Variants in SPATA7 observed in about 807,000 individuals in gnomAD.
The protein encoded by SPATA7 is spermatogenesis-associated protein 7.
A neutral mutation model predicts 51.8 loss-of-function variants in SPATA7; 43 were observed. The ratio of observed to expected loss-of-function variants is 0.83; its 90% confidence interval spans 0.65 to 1.07. The LOEUF is 1.07. Ranked by LOEUF, SPATA7 falls within the 50% of genes least tolerant of loss-of-function variation. The pLI, the probability that SPATA7 is intolerant of heterozygous loss-of-function variation, is 0.00. For synonymous variants in SPATA7, 230 were observed against 252.8 expected (o/e 0.91, Z 0.86); for missense variants, 683 against 701.3 (o/e 0.97, Z 0.30).
At chr14:88,410,572 G>C (rs140623008) in intron 4 of SPATA7, 1 of 152,072 alleles carries the variant, frequency 6.6e-6, no homozygotes, top group African/African-American at 2.4e-5. Context: ...CTTTGGATGG[G>C]GTCTCTGTGT....
intron 5 of SPATA7, among the ~76,000 whole-genome samples, chr14:88,418,789 GA>G (rs2076554820): frequency 6.6e-6 from 1 of 152,002 alleles, no homozygotes; most frequent in Non-Finnish European, 1.5e-5. Context: ...TTTTCATTAT[GA>G]TTTTTTTATT....
intron 5 of SPATA7, among the ~76,000 whole-genome samples, chr14:88,419,829 T>C (rs1463630527): frequency 6.6e-6 from 1 of 152,066 alleles, no homozygotes; most frequent in East Asian, 1.9e-4. Flanking sequence ...GCATTTAATA[T>C]GTTTTTATTT....
intron 1 of SPATA7, 51 bp downstream of exon 1, chr14:88,385,888 G>A: frequency 6.4e-7 from 1 of 1,572,182 alleles, no homozygotes; most frequent in Non-Finnish European, 8.6e-7. Flanking sequence ...CGCTCCAGGC[G>A]GCGCTCCCAG....
intron 5 of SPATA7, among the ~76,000 whole-genome samples, chr14:88,424,601 T>G (rs918998945): frequency 6.6e-6 from 1 of 152,218 alleles, no homozygotes; most frequent in Non-Finnish European, 1.5e-5. Flanking sequence ...ATTCCTGTGC[T>G]TATTAATTAA....
chr14:88,394,460 A>G (rs1209122310), intron 3 of SPATA7, among the ~76,000 whole-genome samples: 1 of 152,162 alleles, frequency 6.6e-6, no homozygotes, highest in Non-Finnish European at 1.5e-5. Context: ...TCTTGAGACT[A>G]ATTCACACTG....
At chr14:88,436,639 T>C (rs1045673223) in intron 10 of SPATA7, among the ~76,000 whole-genome samples, 1 of 152,210 alleles carries the variant, frequency 6.6e-6, no homozygotes, top group Non-Finnish European at 1.5e-5. Context: ...TTCTTTTGCA[T>C]ATGGGTATCC....
chr14:88,449,034 TTG>T (rs1403167957), intron 3 of SPATA7, among the ~76,000 whole-genome samples: 2 of 152,142 alleles, frequency 1.3e-5, no homozygotes, highest in Non-Finnish European at 2.9e-5. Context: ...ATCTTTTATA[TTG>T]TGTTTTTTTT....
chr14:88,463,310 C>G (rs1189865776), intron 4 of SPATA7, among the ~76,000 whole-genome samples: 1 of 152,198 alleles, frequency 6.6e-6, no homozygotes, highest in Non-Finnish European at 1.5e-5. Flanking sequence ...AGCAAGATCC[C>G]TGCTCACATT....
chr14:88,418,767 C>T (rs1195732497), intron 5 of SPATA7, among the ~76,000 whole-genome samples: 1 of 152,206 alleles, frequency 6.6e-6, no homozygotes, highest in African/African-American at 2.4e-5. Context: ...AGCCACCATG[C>T]CCGGCCTACA....
chr14:88,425,496 G>GA (rs1161005298), intron 5 of SPATA7, among the ~76,000 whole-genome samples: 1 of 152,092 alleles, frequency 6.6e-6, no homozygotes, highest in African/African-American at 2.4e-5. Context: ...CGTAAGGGCT[G>GA]AAGTCATAGG....
intron 4 of SPATA7, among the ~76,000 whole-genome samples, chr14:88,462,301 C>CTGA (rs1417084695): frequency 7.9e-5 from 12 of 152,200 alleles, no homozygotes; most frequent in Non-Finnish European, 1.6e-4. Flanking sequence ...TTTTTCTCAG[C>CTGA]TGATGAGCAG....
chr14:88,413,915 G>A (rs2076407035), intron 4 of SPATA7, among the ~76,000 whole-genome samples: 1 of 151,968 alleles, frequency 6.6e-6, no homozygotes, highest in African/African-American at 2.4e-5. Context: ...CTTGACTGTG[G>A]TTTATTAACT....
At position 88,419,747 on chromosome 14, in the gene SPATA7, G is replaced by A. The variant is rs557798783; in HGVS notation, c.372+2903G>A. ...CCACCATGTTAGCCAGGATGGTCTCGATCTCCTGACCTCGTGATCTGCCTG... is the reference window on the plus strand; with the variant it reads ...CCACCATGTTAGCCAGGATGGTCTCAATCTCCTGACCTCGTGATCTGCCTG... On this transcript the variant is annotated intron_variant, in intron 5 of 11. Transcript: ENST00000393545. Among the ~76,000 whole-genome samples the A allele has an allele frequency of 7.2e-5, 11 of 152,028 alleles. No individual in the cohort carries two copies. The South Asian group carries it at 1.5e-3, about 20-fold the overall frequency.
At chr14:88,402,107 G>A (rs1355844153) in intron 4 of SPATA7, among the ~76,000 whole-genome samples, 1 of 152,032 alleles carries the variant, frequency 6.6e-6, no homozygotes, top group Non-Finnish European at 1.5e-5. Flanking sequence ...TTGAAAACTT[G>A]TACACTGAAA....
intron 4 of SPATA7, chr14:88,468,910 C>G: frequency 6.2e-7 from 1 of 1,614,024 alleles, no homozygotes; most frequent in South Asian, 1.1e-5. Context: ...TCATAAGCGC[C>G]ATCACCTCAT....
intron 4 of SPATA7, among the ~76,000 whole-genome samples, chr14:88,401,836 C>CAAAAAAAA (rs57942112): frequency 3.0e-5 from 1 of 33,218 alleles, no homozygotes; most frequent in Non-Finnish European, 5.8e-5. Flanking sequence ...GACCCTGTCT[C>CAAAAAAAA]AAAAAAAAAA....
intron 4 of SPATA7, among the ~76,000 whole-genome samples, chr14:88,398,925 G>T (rs367582184): frequency 5.3e-5 from 8 of 151,704 alleles, no homozygotes; most frequent in African/African-American, 1.9e-4. Context: ...GGTGGCAGGC[G>T]CCTGTAGTCC....
intron 4 of SPATA7, among the ~76,000 whole-genome samples, chr14:88,464,291 G>A (rs1365660603): frequency 6.6e-6 from 1 of 152,076 alleles, no homozygotes; most frequent in African/African-American, 2.4e-5. Context: ...CCATCCCTCA[G>A]CTCAAAAGAA....
chr14:88,466,269 G>C (rs1228263839), intron 4 of SPATA7: 1 of 151,848 alleles, frequency 6.6e-6, no homozygotes, highest in Non-Finnish European at 1.5e-5. Context: ...TTTTAATTTT[G>C]TAAAATAAAA....
Sources: allele counts gnomAD v4.1 joint callset (sites outside exome capture counted in the v4.1 genomes callset), GRCh38; gene constraint gnomAD v4.1.1; transcripts MANE v1.5; gene names NCBI Gene and HGNC (gene_info 2026-07-23, HGNC 2026-07-21).